ACSBG2: variants seen among roughly 807,000 people sequenced by gnomAD.
The protein encoded by ACSBG2 is acyl-CoA synthetase bubblegum family member 2.
ACSBG2 carries 62 observed loss-of-function variants against 74.7 expected under a neutral mutation model. The ratio of observed to expected loss-of-function variants is 0.83; its 90% CI spans 0.68 to 1.03. ACSBG2 has a LOEUF of 1.03. Among genes scored for constraint, ACSBG2 ranks in the 50% least tolerant of loss-of-function variants. The pLI is 0.00. For missense variants in ACSBG2, 730 were observed against 817.6 expected, an observed-to-expected ratio of 0.89 and a Z score of 1.31; for synonymous variants, 309 against 294.1, an observed-to-expected ratio of 1.05 and a Z score of -0.52.
At chr19:6,150,690 G>A (rs1458024208) in intron 3 of ACSBG2, among the ~76,000 whole-genome samples, 1 of 152,154 alleles carries the variant, frequency 6.6e-6, no homozygotes, top group East Asian at 1.9e-4. Context: ...CAGGGGCTGG[G>A]GAAGGGGATA....
intron 5 of ACSBG2, 23 bp downstream of exon 5, chr19:6,156,574 C>A: frequency 6.6e-7 from 1 of 1,513,276 alleles, no homozygotes; most frequent in South Asian, 1.3e-5. Context: ...CCAGCACTGC[C>A]TGCCAAAGTC....
chr19:6,190,219 C>A, intron 13 of ACSBG2: 1 of 211,574 alleles, frequency 4.7e-6, no homozygotes, highest in Non-Finnish European at 9.8e-6. Flanking sequence ...CTGCCGTGCA[C>A]TTGCTGGCTG....
At chr19:6,137,439 G>A (rs1236795501) in intron 1 of ACSBG2, 1 of 152,810 alleles carries the variant, frequency 6.5e-6, no homozygotes, top group Non-Finnish European at 1.5e-5. Context: ...ACAGTGAGGA[G>A]GCCCACGTGG....
rs1162896800 is a variant in ACSBG2 at position 6,156,495 on chromosome 19, G to A, written c.451G>A (p.Ala151Thr). ...AEVCQYVITH[A>T]KVNILLVEND... Reference sequence around the variant, plus strand: ...GGTTTGTCAATATGTCATCACTCATGCCAAAGTGAACATCTTGCTGGTTGA... The same window carrying A: ...GGTTTGTCAATATGTCATCACTCATACCAAAGTGAACATCTTGCTGGTTGA... The change falls in exon 5 of 15, where the codon GCC becomes ACC. Residue 151 changes from alanine to threonine, a missense_variant. Ala to Thr is a moderately conservative substitution (Grantham distance 58). Coordinates refer to ENST00000588485, the MANE Select transcript of ACSBG2 (RefSeq NM_030924.5). The A allele has an allele frequency of 3.1e-6, 5 of 1,598,118 alleles. No homozygotes were observed. The African/African-American group carries it at 6.8e-5, about 22-fold the overall frequency.
intron 13 of ACSBG2, 29 bp downstream of exon 13, chr19:6,187,874 T>G (rs200002663): frequency 2.5e-5 from 40 of 1,609,116 alleles, no homozygotes; most frequent in Non-Finnish European, 3.2e-5. Flanking sequence ...TGGAGGCTGG[T>G]CCCTTGTTAG....
intron 3 of ACSBG2, among the ~76,000 whole-genome samples, chr19:6,151,113 C>CAA (rs1332726831): frequency 2.0e-4 from 12 of 58,978 alleles, no homozygotes; most frequent in South Asian, 1.2e-3. Context: ...GACTCTGTCT[C>CAA]AAAAAAAAAA....
In ACSBG2 at chr19:6,183,031, A is replaced by T; in HGVS notation, c.1089-8A>T. 6.2e-7 allele frequency: 1 copy of T among 1,614,028 alleles called. No homozygotes were observed. The highest frequency in any genetic ancestry group is 8.5e-7 in the Non-Finnish European group (1 of 1,179,902). ...CCCTTCTCCACTTGACGGCATTCTT[A>T]TTCACAGGAAATATAATACTCCCGT... On this transcript the variant is annotated splice_region_variant and splice_polypyrimidine_tract_variant and intron_variant, in intron 9 of 14. Transcript: ENST00000588485.
Position 6,190,601 on chromosome 19 carries a change from AAG to A in ACSBG2, c.1949_1950del (p.Arg650ThrfsTer12). 6.2e-7 allele frequency: 1 copy of A among 1,614,022 alleles called. No homozygotes were observed. Among genetic ancestry groups the A allele is most frequent in the Non-Finnish European group, 8.5e-7 (1 of 1,179,892 alleles). Reference protein sequence around the residue: ...GGELGPMMKLKRHFVAQKYKK... With the variant: ...GGELGPMMKLXRHFVAQKYKK... ...CTCGATAGGTCCAATGATGAAACTT[AAG>A]AGACATTTTGTAGCCCAGAAATACA... On this transcript the variant is annotated frameshift_variant, in exon 14 of 15. Coordinates refer to ENST00000588485, the MANE Select transcript of ACSBG2 (RefSeq NM_030924.5). LOFTEE classifies it high-confidence loss of function.
chr19:6,172,509 C>T (rs140010683), intron 7 of ACSBG2, among the ~76,000 whole-genome samples: 70 of 150,602 alleles, frequency 4.6e-4, no homozygotes, highest in South Asian at 1.7e-3. Context: ...AAGGTCTGTA[C>T]GGGTTCCATG....
Position 6,163,250 on chromosome 19 carries a change from C to A in ACSBG2, c.588+1955C>A. On this transcript the variant is annotated intron_variant, in intron 6 of 14. Transcript: ENST00000588485. Reference sequence around the variant, plus strand: ...AGATCATGAGGTCAGGAGGTACAGACCATCCTGGCCAACATGGTGAAACCC... The same window carrying A: ...AGATCATGAGGTCAGGAGGTACAGAACATCCTGGCCAACATGGTGAAACCC... 4.9e-5 allele frequency among the ~76,000 whole-genome samples: 2 copies of A among 41,136 alleles called. 1 individual carries two copies. The highest frequency in any genetic ancestry group is 1.9e-3 in the South Asian group (2 of 1,046). 27.0% of individuals were successfully genotyped at this position (41,136 alleles called of 152,430 possible).
At chr19:6,149,926 G>A (rs113660878) in intron 3 of ACSBG2, among the ~76,000 whole-genome samples, 3,108 of 149,614 alleles carry the variant, frequency 0.021, 182 homozygotes, top group African/African-American at 0.076. Flanking sequence ...TTACAGGCGT[G>A]AGCCACCACG....
chr19:6,146,907 G>A (rs11879740), intron 2 of ACSBG2, among the ~76,000 whole-genome samples: 51,898 of 151,920 alleles, frequency 0.34, 11,109 homozygotes, highest in East Asian at 0.64. Context: ...GATCAGCCTC[G>A]GAAACACAGT....
At chr19:6,145,858 G>A (rs1828429909) in intron 2 of ACSBG2, among the ~76,000 whole-genome samples, 1 of 152,136 alleles carries the variant, frequency 6.6e-6, no homozygotes, top group African/African-American at 2.4e-5. Context: ...ACACAAGTGT[G>A]TTTCTTACTC....
chr19:6,138,909 T>C (rs947888438), intron 1 of ACSBG2, among the ~76,000 whole-genome samples: 10 of 152,044 alleles, frequency 6.6e-5, no homozygotes, highest in African/African-American at 9.7e-5. Context: ...AGAGGGGCCT[T>C]GGGCTTCCTC....
chr19:6,161,937 C>T (rs1333172437), intron 6 of ACSBG2, among the ~76,000 whole-genome samples: 2 of 152,050 alleles, frequency 1.3e-5, no homozygotes, highest in East Asian at 3.9e-4. Context: ...AAACAATATA[C>T]TAAAAAGTTG....
At chr19:6,148,853 A>G (rs1232474874) in intron 3 of ACSBG2, among the ~76,000 whole-genome samples, 1 of 152,128 alleles carries the variant, frequency 6.6e-6, no homozygotes, top group Admixed American at 6.6e-5. Context: ...CTGTAATCCC[A>G]GCACTTTGGG....
intron 10 of ACSBG2, 78 bp downstream of exon 10, chr19:6,183,350 C>A: frequency 7.8e-7 from 1 of 1,280,758 alleles, no homozygotes. Context: ...ATAGATGGGC[C>A]TCTGGGTTAA....
intron 7 of ACSBG2, among the ~76,000 whole-genome samples, chr19:6,169,176 T>C (rs2089898173): frequency 1.3e-5 from 2 of 152,250 alleles, no homozygotes; most frequent in Admixed American, 1.3e-4. Context: ...GTGCAGAAGC[T>C]CTTAAGTCCC....
At chr19:6,177,495 C>T (rs2090119634) in intron 8 of ACSBG2, 99 bp downstream of exon 8, 1 of 1,291,592 alleles carries the variant, frequency 7.7e-7, no homozygotes, top group Non-Finnish European at 1.1e-6. Flanking sequence ...TTGGGTGAAG[C>T]CCCATGTCTA....
Sources: allele counts gnomAD v4.1 joint callset (sites outside exome capture counted in the v4.1 genomes callset), GRCh38; gene constraint gnomAD v4.1.1; transcripts MANE v1.5; gene names NCBI Gene and HGNC (gene_info 2026-07-23, HGNC 2026-07-21).